The following KCND3 variants were observed in gnomAD, a reference collection of about 807,000 sequenced individuals.
KCND3 encodes A-type voltage-gated potassium channel KCND3.
A neutral mutation model predicts 51.1 loss-of-function variants in KCND3; 9 were observed. The ratio of observed to expected loss-of-function variants is 0.18; its 90% CI spans 0.11 to 0.31. The LOEUF (loss-of-function observed/expected upper bound fraction) is 0.31. KCND3 is among the 10% of genes least tolerant of loss of function. The pLI is 1.00. For missense variants in KCND3, 526 were observed against 903.8 expected, an observed-to-expected ratio of 0.58 and a Z score of 5.36; for synonymous variants, 349 against 368.0, an observed-to-expected ratio of 0.95 and a Z score of 0.59.
intron 2 of KCND3, among the ~76,000 whole-genome samples, chr1:111,882,107 G>A (rs2101740706): frequency 6.6e-6 from 1 of 152,326 alleles, no homozygotes; most frequent in South Asian, 2.1e-4. Context: ...GTGAGTGCCT[G>A]TACCCAGTTT....
intron 2 of KCND3, among the ~76,000 whole-genome samples, chr1:111,824,657 G>A (rs1666496191): frequency 1.3e-5 from 2 of 152,018 alleles, no homozygotes; most frequent in African/African-American, 4.8e-5. Flanking sequence ...TCTTATTTGA[G>A]TCCCATCCTC....
intron 2 of KCND3, among the ~76,000 whole-genome samples, chr1:111,805,497 T>C (rs943105609): frequency 2.0e-5 from 3 of 152,246 alleles, no homozygotes; most frequent in Non-Finnish European, 4.4e-5. Context: ...GACTGACACA[T>C]ACCCTGTGCA....
chr1:111,901,360 GA>G (rs1385191465), intron 2 of KCND3, among the ~76,000 whole-genome samples: 1 of 152,096 alleles, frequency 6.6e-6, no homozygotes, highest in African/African-American at 2.4e-5. Flanking sequence ...CTTCCTAAAG[GA>G]GTTACTTTCT....
At chr1:111,818,935 C>A (rs1202532313) in intron 2 of KCND3, among the ~76,000 whole-genome samples, 3 of 152,200 alleles carry the variant, frequency 2.0e-5, no homozygotes, top group Non-Finnish European at 4.4e-5. Flanking sequence ...CCTGCCTTAT[C>A]TTTTCTCTCA....
intron 2 of KCND3, among the ~76,000 whole-genome samples, chr1:111,950,925 C>A (rs1203011144): frequency 2.0e-5 from 3 of 152,098 alleles, no homozygotes; most frequent in Non-Finnish European, 4.4e-5. Flanking sequence ...AATCCCAGCA[C>A]TTTGGGAGGC....
Position 111,777,405 on chromosome 1 carries a change from A to G in KCND3, c.1519-132T>C. The G allele has an allele frequency of 1.4e-5, 13 of 942,794 alleles. No homozygotes were observed. The Middle Eastern group carries it at 2.5e-3, about 181-fold the overall frequency. The allele number at this position is 942,794 out of a possible 1,614,324, so 58.4% of individuals were successfully genotyped here. On this transcript the variant is annotated intron_variant, in intron 6 of 7. Coordinates refer to ENST00000302127, the MANE Select transcript of KCND3 (RefSeq NM_001378969.1). ...GGGCTCCCAGCTGCCCGGATCACAGATAAGCATTCAGGAGGGGTGATGTCC... is the reference window on the plus strand; with the variant it reads ...GGGCTCCCAGCTGCCCGGATCACAGGTAAGCATTCAGGAGGGGTGATGTCC...
At chr1:111,925,037 G>A (rs1190860707) in intron 2 of KCND3, among the ~76,000 whole-genome samples, 1 of 152,212 alleles carries the variant, frequency 6.6e-6, no homozygotes, top group Non-Finnish European at 1.5e-5. Context: ...AAGTTTGGGT[G>A]ATGCTTCAGA....
At chr1:111,911,367 A>G (rs1670936689) in intron 2 of KCND3, among the ~76,000 whole-genome samples, 1 of 152,210 alleles carries the variant, frequency 6.6e-6, no homozygotes, top group Admixed American at 6.5e-5. Flanking sequence ...AGGAGTAGGT[A>G]AAAAAGTATT....
intron 2 of KCND3, among the ~76,000 whole-genome samples, chr1:111,834,157 T>C (rs947413471): frequency 2.0e-5 from 3 of 152,166 alleles, no homozygotes; most frequent in African/African-American, 7.2e-5. Flanking sequence ...TGCATCTAGC[T>C]CTCTCCCTGT....
intron 2 of KCND3, among the ~76,000 whole-genome samples, chr1:111,863,565 T>C (rs538234131): frequency 1.8e-4 from 27 of 152,184 alleles, no homozygotes; most frequent in Non-Finnish European, 3.4e-4. Context: ...AACATTGTGC[T>C]TTTGAAAACA....
chr1:111,843,213 C>T (rs1271163838), intron 2 of KCND3, among the ~76,000 whole-genome samples: 1 of 152,138 alleles, frequency 6.6e-6, no homozygotes, highest in Admixed American at 6.5e-5. Flanking sequence ...GTTTCCATAG[C>T]AAGGCTCTTG....
intron 2 of KCND3, chr1:111,909,244 GC>G (rs1328984161): frequency 6.6e-6 from 1 of 152,242 alleles, no homozygotes; most frequent in Non-Finnish European, 1.5e-5. Context: ...TGGGGAGGTG[GC>G]AGTGGAAACA....
At chr1:111,930,356 C>T (rs541044447) in intron 2 of KCND3, among the ~76,000 whole-genome samples, 13 of 152,286 alleles carry the variant, frequency 8.5e-5, no homozygotes, top group African/African-American at 1.4e-4. Flanking sequence ...GGGCCTTCGC[C>T]GTTTAATGTG....
chr1:111,833,092 G>A (rs1261541231), intron 2 of KCND3, among the ~76,000 whole-genome samples: 1 of 152,246 alleles, frequency 6.6e-6, no homozygotes, highest in Non-Finnish European at 1.5e-5. Context: ...TTTTTACGGA[G>A]ATTGAGAAGA....
intron 3 of KCND3, among the ~76,000 whole-genome samples, chr1:111,782,811 A>G (rs1664441652): frequency 6.6e-6 from 1 of 152,212 alleles, no homozygotes; most frequent in African/African-American, 2.4e-5. Flanking sequence ...ACAGATTGTC[A>G]TATCAAATGT....
At chr1:111,787,399 G>A (rs1458939279) in intron 2 of KCND3, among the ~76,000 whole-genome samples, 1 of 152,212 alleles carries the variant, frequency 6.6e-6, no homozygotes. Context: ...TGCATCAGGT[G>A]GTGGGAGTGT....
At chr1:111,909,691 C>T (rs1670839486) in intron 2 of KCND3, 1 of 152,202 alleles carries the variant, frequency 6.6e-6, no homozygotes, top group African/African-American at 2.4e-5. Flanking sequence ...GTCAAGACCT[C>T]CAAGGACAAG....
chr1:111,900,131 T>G (rs1670317814), intron 2 of KCND3, among the ~76,000 whole-genome samples: 1 of 152,152 alleles, frequency 6.6e-6, no homozygotes, highest in Non-Finnish European at 1.5e-5. Flanking sequence ...CATATGGATA[T>G]GCAGGGCTGC....
At chr1:111,844,733 C>G (rs1233794067) in intron 2 of KCND3, among the ~76,000 whole-genome samples, 1 of 152,198 alleles carries the variant, frequency 6.6e-6, no homozygotes, top group Non-Finnish European at 1.5e-5. Context: ...ACACAGCACA[C>G]AGTTACCTGT....
Sources: allele counts gnomAD v4.1 joint callset (sites outside exome capture counted in the v4.1 genomes callset), GRCh38; gene constraint gnomAD v4.1.1; transcripts MANE v1.5; gene names NCBI Gene and HGNC (gene_info 2026-07-23, HGNC 2026-07-21).